Variants in KCNJ14 observed in about 807,000 individuals in gnomAD.
KCNJ14 encodes the protein ATP-sensitive inward rectifier potassium channel 14.
Under a neutral mutation model 24.5 loss-of-function variants are expected in KCNJ14, and 18 were observed. The ratio of observed to expected loss-of-function variants is 0.74; its 90% confidence interval spans 0.51 to 1.09. The LOEUF (loss-of-function observed/expected upper bound fraction) is 1.09. Among genes scored for constraint, KCNJ14 ranks in the 50% least tolerant of loss-of-function variants. KCNJ14 has a pLI of 0.00. For missense variants in KCNJ14, 633 were observed against 623.0 expected, an observed-to-expected ratio of 1.02 and a Z score of -0.17; for synonymous variants, 288 against 270.8, an observed-to-expected ratio of 1.06 and a Z score of -0.63.
intron 1 of KCNJ14, among the ~76,000 whole-genome samples, chr19:48,461,054 C>G (rs1275140651): frequency 6.6e-6 from 1 of 151,996 alleles, no homozygotes; most frequent in Non-Finnish European, 1.5e-5. Context: ...GGCGCGGTGG[C>G]TCACGCCTGT....
rs183740105 is a variant in KCNJ14, at chr19:48,466,697, C to G, written c.*1920C>G. ...CTACACCAAGGGTGGGATGGGCATT[C>G]GAGTCCTGGGGATTTCCCTCCTCTC... On this transcript the variant is annotated 3_prime_UTR_variant, in exon 3 of 3. Transcript: ENST00000342291. 1 of 152,180 alleles carries G rather than the reference C, an allele frequency of 6.6e-6. No individual in the cohort carries two copies. Among genetic ancestry groups the G allele is most frequent in the Non-Finnish European group, 1.5e-5 (1 of 68,046 alleles). 9.4% of individuals were successfully genotyped at this position (152,180 alleles called of 1,614,324 possible).
chr19:48,465,909 G>A lies in KCNJ14; in HGVS notation c.*1132G>A, dbSNP rs370137425. ...TTGGCAGTGCTAGGAGGTGGACTCA[G>A]GACTTCAGAAGCAACATTTCTGGCC... On this transcript the variant is annotated 3_prime_UTR_variant, in exon 3 of 3. Coordinates refer to ENST00000342291, the MANE Select transcript of KCNJ14 (RefSeq NM_013348.4). 5 of 152,612 alleles carry A rather than the reference G, an allele frequency of 3.3e-5. No individual in the cohort carries two copies. The highest frequency in any genetic ancestry group is 1.9e-4 in the East Asian group (1 of 5,196). 9.5% of individuals were successfully genotyped at this position (152,612 alleles called of 1,614,324 possible).
At chr19:48,456,324 C>T (rs1971539351) in intron 1 of KCNJ14, 1 of 152,404 alleles carries the variant, frequency 6.6e-6, no homozygotes, top group Non-Finnish European at 1.5e-5. Context: ...AGGCCGCCCC[C>T]TTGGGCAACG....
In KCNJ14 at chr19:48,462,050, G is replaced by C. The variant is rs1971605455; in HGVS notation, c.326G>C (p.Trp109Ser). The change falls in exon 2 of 3, where the codon TGG becomes TCG. Residue 109 changes from tryptophan (W) to serine (S), a missense_variant. By Grantham distance (177) the Trp-to-Ser change is radical. Coordinates refer to ENST00000342291, the MANE Select transcript of KCNJ14 (RefSeq NM_013348.4). The surrounding 1 kb of genome is among the most constrained non-coding windows in gnomAD (Gnocchi z 4.9). ...TGGCTGCTCTTCGGCCTGGCCTTCTGGCTCATTGCCTCGCTGCACGGCGAC... is the reference window on the plus strand; with the variant it reads ...TGGCTGCTCTTCGGCCTGGCCTTCTCGCTCATTGCCTCGCTGCACGGCGAC... ...ASWLLFGLAF[W>S]LIASLHGDLA... is the part of the protein sequence containing the mutation. The C allele has an allele frequency of 1.2e-6, 2 of 1,610,758 alleles. No homozygotes were observed. The highest frequency in any genetic ancestry group is 2.7e-5 in the African/African-American group (2 of 74,922).
intron 2 of KCNJ14, among the ~76,000 whole-genome samples, chr19:48,463,604 G>T (rs531939900): frequency 6.6e-6 from 1 of 152,160 alleles, no homozygotes; most frequent in Non-Finnish European, 1.5e-5. Context: ...GAGAGCCCAG[G>T]GATAAGCCTG....
rs1479145402 is a variant in KCNJ14, at chr19:48,462,626, G to C, written c.714+188G>C. On this transcript the variant is annotated intron_variant, in intron 2 of 2. Coordinates refer to ENST00000342291, the MANE Select transcript of KCNJ14 (RefSeq NM_013348.4). This position sits in a 1 kb window ranked among gnomAD's most constrained non-coding sequence, Gnocchi z 4.9. ...ATGTAAACCCAACAGAAAGGTATGT[G>C]ACCAGCTCTTCCTGGAGGCCTGGAT... is the stretch of plus-strand genomic sequence containing the variant. Among the ~76,000 whole-genome samples, 1 of 152,216 alleles carries C rather than the reference G, an allele frequency of 6.6e-6. No individual in the cohort carries two copies. Among genetic ancestry groups the C allele is most frequent in the Admixed American group, 6.5e-5 (1 of 15,286 alleles).
rs757138715 is a variant in KCNJ14 at position 48,464,542 on chromosome 19, C to T, written c.1076C>T (p.Pro359Leu). ...FHRTYEVPGT[P>L]VCSAKELDER... ...CGCACTTATGAGGTCCCAGGGACAC[C>T]GGTCTGCAGTGCTAAGGAGCTGGAT... The change falls in exon 3 of 3, where the codon CCG becomes CTG. Residue 359 changes from proline to leucine, a missense_variant. Physicochemically the swap from Pro to Leu is moderately conservative, Grantham distance 98. Transcript: ENST00000342291. 13 of 1,614,008 alleles carry T rather than the reference C, an allele frequency of 8.1e-6. No individual in the cohort carries two copies. The highest frequency in any genetic ancestry group is 3.3e-5 in the South Asian group (3 of 91,092).
rs556983757 is a variant in KCNJ14, at chr19:48,461,656, G to C, written c.-55-14G>C. 1.7e-5 allele frequency: 17 copies of C among 1,016,982 alleles called. No homozygotes were observed. In the East Asian group the frequency reaches 4.0e-4, roughly 24 times the overall value. 63.0% of individuals were successfully genotyped at this position (1,016,982 alleles called of 1,614,324 possible). ...CCTGTTGCCCCTGACGTTTCTGCCG[G>C]TTTCTTGTCCCAGCAGGTTGGGGGC... On this transcript the variant is annotated splice_polypyrimidine_tract_variant and intron_variant, in intron 1 of 2. Coordinates refer to ENST00000342291, the MANE Select transcript of KCNJ14 (RefSeq NM_013348.4).
At chr19:48,458,200 A>T (rs1025422371) in intron 1 of KCNJ14, among the ~76,000 whole-genome samples, 1 of 152,168 alleles carries the variant, frequency 6.6e-6, no homozygotes, top group Non-Finnish European at 1.5e-5. Context: ...TCTTGGGTAC[A>T]TAAGTAGGAG....
Position 48,464,265 on chromosome 19 carries a change from TTCC to T in KCNJ14, c.802_804del (p.Leu268del). 1.2e-6 allele frequency: 2 copies of T among 1,614,066 alleles called. No homozygotes were observed. The highest frequency in any genetic ancestry group is 1.7e-6 in the Non-Finnish European group (2 of 1,179,988). ...CTTTGATGGAGGCACCGATCGTATC[TTCC>T]TCGTGTCCCCCATCACCATCGTCCA... On this transcript the variant is annotated inframe_deletion, in exon 3 of 3. Coordinates refer to ENST00000342291, the MANE Select transcript of KCNJ14 (RefSeq NM_013348.4).
rs1971614160 is a variant in KCNJ14 at position 48,462,573 on chromosome 19, C to T, written c.714+135C>T. On this transcript the variant is annotated intron_variant, in intron 2 of 2. Coordinates refer to ENST00000342291, the MANE Select transcript of KCNJ14 (RefSeq NM_013348.4). This position sits in a 1 kb window ranked among gnomAD's most constrained non-coding sequence, Gnocchi z 4.9. ...CCCAGCAGCCTCTTGGGCCTGGGGC[C>T]TGCGAATGGGTCACTGGGCAGCTGG... The T allele has an allele frequency of 1.5e-6, 1 of 649,650 alleles. No individual in the cohort carries two copies. The highest frequency in any genetic ancestry group is 3.0e-5 in the East Asian group (1 of 33,524). The allele number at this position is 649,650 out of a possible 1,614,324, so 40.2% of individuals were successfully genotyped here.
chr19:48,461,264 G>C (rs1300358622), intron 1 of KCNJ14: 15 of 152,038 alleles, frequency 9.9e-5, no homozygotes, highest in Admixed American at 9.9e-4. Flanking sequence ...AGGTTGCAGT[G>C]AGCTGAGGTT....
Position 48,464,245 on chromosome 19 carries a change from A to G in KCNJ14, c.779A>G (p.Asp260Gly), listed in dbSNP as rs1971631282. The change falls in exon 3 of 3, where the codon GAT (aspartate) becomes GGT (glycine). Residue 260 changes from aspartate to glycine, a missense_variant. By Grantham distance (94) the Asp-to-Gly change is moderately conservative (BLOSUM62 -1). Transcript: ENST00000342291. ...CACCAGGATGTGGATGTGGGCTTTG[A>G]TGGAGGCACCGATCGTATCTTCCTC... ...LDHQDVDVGFDGGTDRIFLVS... is the reference protein window; with the variant it reads ...LDHQDVDVGFGGGTDRIFLVS... The G allele has an allele frequency of 6.2e-7, 1 of 1,613,934 alleles. No homozygotes were observed. The highest frequency in any genetic ancestry group is 8.5e-7 in the Non-Finnish European group (1 of 1,179,988).
At chr19:48,457,472 CT>C (rs1971551749) in intron 1 of KCNJ14, among the ~76,000 whole-genome samples, 2 of 152,212 alleles carry the variant, frequency 1.3e-5, no homozygotes, top group Admixed American at 1.3e-4. Context: ...CCTTCCTGGT[CT>C]TTTAAGAAGT....
chr19:48,461,637 GC>G, intron 1 of KCNJ14, 32 bp from the exon 2 acceptor site: 2 of 751,110 alleles, frequency 2.7e-6, no homozygotes, highest in Non-Finnish European at 3.9e-6. Flanking sequence ...CATTCCTGTT[GC>G]CCCTGACGTT....
intron 1 of KCNJ14, among the ~76,000 whole-genome samples, chr19:48,459,240 CAAAAAAA>C (rs748195965): frequency 1.7e-5 from 1 of 59,200 alleles, no homozygotes; most frequent in East Asian, 5.1e-4. Flanking sequence ...ACTCCGTCTC[CAAAAAAA>C]AAAAAAAAAA....
rs1354499722 is a variant in KCNJ14 at position 48,462,309 on chromosome 19, C to A, written c.585C>A (p.Asn195Lys). Residue 195 changes from asparagine (N) to lysine (K), a missense_variant, in exon 2 of 3, where the codon AAC becomes AAA. Coordinates refer to ENST00000342291, the MANE Select transcript of KCNJ14 (RefSeq NM_013348.4). This position sits in a 1 kb window ranked among gnomAD's most constrained non-coding sequence, Gnocchi z 4.9. ...MAKMAKPKKR[N>K]ETLVFSENAV... ...AGATGGCCAAACCCAAGAAGCGCAA[C>A]GAGACGCTGGTCTTCAGCGAGAACG... is the stretch of plus-strand genomic sequence containing the variant. The A allele has an allele frequency of 3.2e-6, 5 of 1,548,000 alleles. No individual in the cohort carries two copies. The Admixed American group carries it at 9.7e-5, about 30-fold the overall frequency.
Position 48,462,394 on chromosome 19 carries a change from C to G in KCNJ14, c.670C>G (p.Arg224Gly). Reference protein sequence around the residue: ...CLMWRVGNLRRSHLVEAHVRA... With the variant: ...CLMWRVGNLRGSHLVEAHVRA... ...CATGTGGCGCGTCGGCAACCTGCGC[C>G]GCAGCCACCTGGTCGAGGCCCACGT... The change falls in exon 2 of 3, where the codon CGC becomes GGC. Residue 224 changes from arginine (R) to glycine (G), a missense_variant. Arg to Gly is a moderately radical substitution (Grantham distance 125). Transcript: ENST00000342291. This position sits in a 1 kb window ranked among gnomAD's most constrained non-coding sequence, Gnocchi z 4.9. 2 of 1,518,936 alleles carry G rather than the reference C, an allele frequency of 1.3e-6. No homozygotes were observed. Among genetic ancestry groups the G allele is most frequent in the South Asian group, 1.2e-5 (1 of 80,602 alleles). The allele number at this position is 1,518,936 out of a possible 1,614,324, so 94.1% of individuals were successfully genotyped here. A position where few individuals can be genotyped will look rare whatever the true frequency, so the allele number is the denominator to read the frequency against.
intron 1 of KCNJ14, chr19:48,457,071 C>T (rs1210271802): frequency 1.3e-5 from 2 of 151,448 alleles, no homozygotes; most frequent in Non-Finnish European, 2.9e-5. Flanking sequence ...CATCATAGCT[C>T]ACTGCAGCCT....
Sources: gnomAD v4.1 joint callset for allele counts (sites outside exome capture counted in the v4.1 genomes callset) on GRCh38, gnomAD v4.1.1 for gene constraint, Gnocchi (gnomAD v3.1) non-coding constraint, MANE v1.5 for transcripts, NCBI Gene and HGNC (gene_info 2026-07-23, HGNC 2026-07-21) for gene names.